The following MLPH variants were observed in gnomAD, a reference collection of about 807,000 sequenced individuals.
The protein encoded by MLPH is exophilin-3.
MLPH carries 51 observed loss-of-function variants against 72.1 expected under a neutral mutation model. The observed-to-expected ratio is 0.71, with a 90% CI of 0.56 to 0.89. The LOEUF is 0.89. Among genes scored for constraint, MLPH ranks in the 40% least tolerant of loss-of-function variants. MLPH has a pLI of 0.00. For synonymous variants in MLPH, 301 were observed against 310.1 expected (o/e 0.97, Z 0.31); for missense variants, 743 against 759.9 (o/e 0.98, Z 0.26).
In MLPH at chr2:237,534,637, C is replaced by T; in HGVS notation, c.1094C>T (p.Pro365Leu). 6.2e-7 allele frequency: 1 copy of T among 1,613,750 alleles called. No homozygotes were observed. Among genetic ancestry groups the T allele is most frequent in the South Asian group, 1.1e-5 (1 of 91,060 alleles). ...LTYLENTVVP[P>L]LAKGLGAGVR... ...TACCTGGAGAACACAGTTGTGCCTCCCTTGGCCAAGGTAACACTGGGGGCT... is the reference window on the plus strand; with the variant it reads ...TACCTGGAGAACACAGTTGTGCCTCTCTTGGCCAAGGTAACACTGGGGGCT... The change falls in exon 9 of 16, where the codon CCC becomes CTC. Residue 365 changes from proline to leucine, a missense_variant. By Grantham distance (98) the Pro-to-Leu change is moderately conservative. Coordinates refer to ENST00000264605, the MANE Select transcript of MLPH (RefSeq NM_024101.7).
intron 2 of MLPH, among the ~76,000 whole-genome samples, chr2:237,503,043 C>T (rs1458964409): frequency 1.3e-5 from 2 of 152,054 alleles, no homozygotes; most frequent in Non-Finnish European, 2.9e-5. Context: ...CGCTTGAACC[C>T]GGGGGGCAAA....
chr2:237,517,313 G>A (rs1328948350), intron 4 of MLPH, among the ~76,000 whole-genome samples: 2 of 149,880 alleles, frequency 1.3e-5, no homozygotes, highest in Non-Finnish European at 3.0e-5. Flanking sequence ...ATGGATGAAC[G>A]GATGGATGGA....
chr2:237,527,522 G>T lies in MLPH; in HGVS notation c.1020+6G>T. ...GGGCGTCTTCTGAGAGTCAGGTAAC[G>T]GTGGCTGGAAAGACTTCTGTCTTGT... On this transcript the variant is annotated splice_donor_region_variant and intron_variant, in intron 8 of 15. Coordinates refer to ENST00000264605, the MANE Select transcript of MLPH (RefSeq NM_024101.7). 6.2e-7 allele frequency: 1 copy of T among 1,614,072 alleles called. No individual in the cohort carries two copies. The highest frequency in any genetic ancestry group is 8.5e-7 in the Non-Finnish European group (1 of 1,180,028).
chr2:237,499,637 A>G (rs1457444531), intron 2 of MLPH, among the ~76,000 whole-genome samples: 1 of 152,272 alleles, frequency 6.6e-6, no homozygotes, highest in African/African-American at 2.4e-5. Context: ...TAGGTTGCTC[A>G]GCACCCAATG....
intron 7 of MLPH, among the ~76,000 whole-genome samples, chr2:237,526,384 C>T (rs1237594443): frequency 6.6e-6 from 1 of 152,142 alleles, no homozygotes; most frequent in Non-Finnish European, 1.5e-5. Context: ...CCAGCTTTCC[C>T]CAAGCCACAG....
intron 9 of MLPH, among the ~76,000 whole-genome samples, chr2:237,538,791 CCAA>C (rs1314039507): frequency 6.6e-6 from 1 of 152,190 alleles, no homozygotes; most frequent in Non-Finnish European, 1.5e-5. Flanking sequence ...CCTTCACAAC[CCAA>C]CAAGTGGAAC....
At chr2:237,551,140 C>T (rs1241062235) in intron 14 of MLPH, among the ~76,000 whole-genome samples, 38 of 149,730 alleles carry the variant, frequency 2.5e-4, no homozygotes, top group Admixed American at 5.9e-4. Flanking sequence ...ACTGGCAGGT[C>T]CTTGGGCCTC....
chr2:237,548,573 G>A (rs1190205414), intron 13 of MLPH, among the ~76,000 whole-genome samples: 2 of 152,160 alleles, frequency 1.3e-5, no homozygotes, highest in Non-Finnish European at 2.9e-5. Flanking sequence ...TTCAGAGAGG[G>A]TAAGAAGTGA....
Position 237,550,424 on chromosome 2 carries a change from G to C in MLPH, c.1675+1146G>C, listed in dbSNP as rs2081008533. On this transcript the variant is annotated intron_variant, in intron 14 of 15. Coordinates refer to ENST00000264605, the MANE Select transcript of MLPH (RefSeq NM_024101.7). ...ATCCCAGATTCAGGGTCACCAGCCA[G>C]GAGGGCAACTTTGCCAGAGATGACC... is the stretch of plus-strand genomic sequence containing the variant. Among the ~76,000 whole-genome samples the C allele has an allele frequency of 2.0e-5, 3 of 152,210 alleles. No homozygotes were observed. The South Asian group carries it at 6.2e-4, about 32-fold the overall frequency.
At chr2:237,537,017 G>A (rs79808333) in intron 9 of MLPH, among the ~76,000 whole-genome samples, 238 of 152,338 alleles carry the variant, frequency 1.6e-3, no homozygotes, top group African/African-American at 5.0e-3. Context: ...GACACTGCTC[G>A]CGGAATGGCC....
intron 9 of MLPH, 49 bp from the exon 10 acceptor site, chr2:237,540,299 T>C: frequency 1.3e-6 from 2 of 1,598,388 alleles, no homozygotes; most frequent in African/African-American, 1.3e-5. Context: ...TGGAGCTCCA[T>C]GGCTCCAGAT....
upstream of MLPH, chr2:237,486,644 T>C (rs919260545): frequency 6.6e-6 from 1 of 152,288 alleles, no homozygotes; most frequent in Non-Finnish European, 1.5e-5. Context: ...ATCTTGACTT[T>C]TTCTTGGCGG....
rs2079884154 is a variant in MLPH, at chr2:237,510,965, A to G, written c.333-24A>G. 6.2e-7 allele frequency: 1 copy of G among 1,603,944 alleles called. No individual in the cohort carries two copies. The highest frequency in any genetic ancestry group is 8.5e-7 in the Non-Finnish European group (1 of 1,171,272). On this transcript the variant is annotated intron_variant, in intron 3 of 15. Coordinates refer to ENST00000264605, the MANE Select transcript of MLPH (RefSeq NM_024101.7). The surrounding 1 kb of genome is among the most constrained non-coding windows in gnomAD (Gnocchi z 4.4). ...CTGTGTACAGCACTCAGGCAGTGCC[A>G]TGAGCCTGTGCTTGTCCCTGCAGAG...
intron 2 of MLPH, among the ~76,000 whole-genome samples, chr2:237,508,094 A>G (rs2079813948): frequency 6.6e-6 from 1 of 151,840 alleles, no homozygotes; most frequent in African/African-American, 2.4e-5. Flanking sequence ...TCTTTAATGA[A>G]ACTGTTTTTT....
intron 8 of MLPH, 108 bp downstream of exon 8, chr2:237,527,624 T>A: frequency 7.1e-7 from 1 of 1,403,450 alleles, no homozygotes; most frequent in Non-Finnish European, 9.9e-7. Context: ...ACTTTCAAAC[T>A]ATGAAATTGC....
At chr2:237,529,626 G>A (rs1467009344) in intron 8 of MLPH, among the ~76,000 whole-genome samples, 1 of 152,186 alleles carries the variant, frequency 6.6e-6, no homozygotes, top group Admixed American at 6.5e-5. Flanking sequence ...GGCTATTAAT[G>A]TCTCTGATAG....
rs565779725 is a variant in MLPH at position 237,493,238 on chromosome 2, A to G, written c.-24-165A>G. ...ATTTTGCATAGATTCACTTAAATTC[A>G]TTAAACTACACAAGTTTCCAGACAA... On this transcript the variant is annotated intron_variant, in intron 1 of 15. Coordinates refer to ENST00000264605, the MANE Select transcript of MLPH (RefSeq NM_024101.7). Among the ~76,000 whole-genome samples the G allele has an allele frequency of 3.3e-5, 5 of 152,390 alleles. No homozygotes were observed. The South Asian group carries it at 1.0e-3, about 32-fold the overall frequency.
intron 2 of MLPH, among the ~76,000 whole-genome samples, chr2:237,496,314 C>T (rs548640107): frequency 5.9e-5 from 9 of 152,296 alleles, no homozygotes; most frequent in African/African-American, 2.2e-4. Flanking sequence ...CCCGGACAGG[C>T]ACTGTCTTCC....
At chr2:237,552,531 G>A (rs1287786732) in intron 15 of MLPH, 94 bp downstream of exon 15, 2 of 1,067,300 alleles carry the variant, frequency 1.9e-6, no homozygotes, top group Non-Finnish European at 2.8e-6. Context: ...AAAGAAAATG[G>A]AGATAAACAA....
Sources: gnomAD v4.1 joint callset for allele counts (sites outside exome capture counted in the v4.1 genomes callset) on GRCh38, gnomAD v4.1.1 for gene constraint, Gnocchi (gnomAD v3.1) non-coding constraint, MANE v1.5 for transcripts, NCBI Gene and HGNC (gene_info 2026-07-23, HGNC 2026-07-21) for gene names.